The following LSM14A variants were observed in gnomAD, a reference collection of about 807,000 sequenced individuals.
LSM14A encodes the protein LSM14A mRNA processing body assembly factor, also known as protein LSM14 homolog A.
Under a neutral mutation model 52.4 loss-of-function variants are expected in LSM14A, and 14 were observed. The observed-to-expected ratio is 0.27, with a 90% CI of 0.18 to 0.42. LSM14A has a LOEUF of 0.42. Ranked by LOEUF, LSM14A falls within the 10% of genes least tolerant of loss-of-function variation. The pLI, the probability that LSM14A is intolerant of heterozygous loss-of-function variation, is 1.00. For missense variants in LSM14A, 417 were observed against 581.8 expected (o/e 0.72, Z 2.91); for synonymous variants, 185 against 200.3 (o/e 0.92, Z 0.64).
At chr19:34,193,251 C>G (rs1009420055) in intron 1 of LSM14A, among the ~76,000 whole-genome samples, 3 of 152,228 alleles carry the variant, frequency 2.0e-5, no homozygotes, top group African/African-American at 7.2e-5. Flanking sequence ...CTCCCAGGCT[C>G]AAGCGATCCT....
intron 3 of LSM14A, among the ~76,000 whole-genome samples, chr19:34,205,769 A>G (rs2071652146): frequency 1.3e-5 from 2 of 152,128 alleles, no homozygotes; most frequent in African/African-American, 4.8e-5. Context: ...GGAAGAAAAT[A>G]AAAAGATAAG....
rs547198806 is a variant in LSM14A at position 34,219,488 on chromosome 19, G to A, written c.879G>A (p.Glu293=). 7.9e-5 allele frequency: 128 copies of A among 1,614,030 alleles called. 1 individual carries two copies. The South Asian group carries it at 1.4e-3, about 17-fold the overall frequency. The change falls in exon 7 of 10, where the codon GAG becomes GAA. Residue 293 remains glutamate (E), a synonymous_variant. Transcript: ENST00000544216. ...GIRRDGPMKF[E]KDFDFESANA... Reference sequence around the variant, plus strand: ...GGCGAGATGGGCCAATGAAATTTGAGAAAGACTTTGACTTTGAAAGTGCAA... The same window carrying A: ...GGCGAGATGGGCCAATGAAATTTGAAAAAGACTTTGACTTTGAAAGTGCAA...
intron 1 of LSM14A, among the ~76,000 whole-genome samples, chr19:34,175,899 A>C (rs904845690): frequency 2.0e-5 from 3 of 152,036 alleles, no homozygotes; most frequent in Non-Finnish European, 4.4e-5. Flanking sequence ...GCTCTTGCCC[A>C]GGCTGGAGTG....
intron 1 of LSM14A, among the ~76,000 whole-genome samples, chr19:34,192,319 GTT>G (rs71165632): frequency 3.7e-5 from 2 of 53,410 alleles, no homozygotes; most frequent in Admixed American, 2.9e-4. Context: ...TCTTTTTGTT[GTT>G]TTTTTTTTTT....
At chr19:34,193,266 C>T (rs933507743) in intron 1 of LSM14A, among the ~76,000 whole-genome samples, 1 of 152,236 alleles carries the variant, frequency 6.6e-6, no homozygotes, top group Non-Finnish European at 1.5e-5. Flanking sequence ...GATCCTCATA[C>T]CTCAGCCTCC....
chr19:34,224,451 C>T (rs1218628661), intron 9 of LSM14A, among the ~76,000 whole-genome samples: 1 of 152,198 alleles, frequency 6.6e-6, no homozygotes, highest in African/African-American at 2.4e-5. Context: ...TTGTAAAACT[C>T]GTATCACATA....
intron 1 of LSM14A, among the ~76,000 whole-genome samples, chr19:34,177,658 C>T (rs1239806059): frequency 1.3e-5 from 2 of 152,130 alleles, no homozygotes; most frequent in Admixed American, 1.3e-4. Flanking sequence ...AAGGTCAAGG[C>T]CGGGGTATTG....
intron 1 of LSM14A, among the ~76,000 whole-genome samples, chr19:34,177,111 G>A (rs1482203635): frequency 1.3e-5 from 2 of 152,008 alleles, no homozygotes; most frequent in Non-Finnish European, 2.9e-5. Flanking sequence ...ATCGAAACAC[G>A]TCTTTTTCTA....
chr19:34,181,643 C>T (rs1401841930), intron 1 of LSM14A, among the ~76,000 whole-genome samples: 4 of 152,160 alleles, frequency 2.6e-5, no homozygotes, highest in Admixed American at 2.0e-4. Flanking sequence ...CTGATTGAAC[C>T]TGTAAGCCGC....
chr19:34,200,083 C>T (rs2071184008), intron 3 of LSM14A, among the ~76,000 whole-genome samples: 2 of 152,208 alleles, frequency 1.3e-5, no homozygotes, highest in Admixed American at 6.6e-5. Context: ...AACATAATAT[C>T]ACCTTTGTGG....
chr19:34,202,616 A>G (rs1400906859), intron 3 of LSM14A, among the ~76,000 whole-genome samples: 1 of 152,164 alleles, frequency 6.6e-6, no homozygotes, highest in Non-Finnish European at 1.5e-5. Flanking sequence ...TACTCTTGGC[A>G]AGTATGTGAA....
In LSM14A at chr19:34,219,758, C is replaced by T. The variant is rs1432320227; in HGVS notation, c.1017C>T (p.Asp339=). Reference sequence around the variant, plus strand: ...CTGTAAATGGTGAAGATAAAGGAGACTCAGGAGTTGATACCCAAAACAGTG... The same window carrying T: ...CTGTAAATGGTGAAGATAAAGGAGATTCAGGAGTTGATACCCAAAACAGTG... ...EKPVNGEDKG[D]SGVDTQNSEG... Residue 339 remains aspartate, a synonymous_variant, in exon 8 of 10, where the codon GAC becomes GAT. Transcript: ENST00000544216. 3.1e-6 allele frequency: 5 copies of T among 1,613,722 alleles called. No individual in the cohort carries two copies. Among genetic ancestry groups the T allele is most frequent in the African/African-American group, 1.3e-5 (1 of 74,894 alleles).
intron 1 of LSM14A, among the ~76,000 whole-genome samples, chr19:34,180,299 G>T (rs921753981): frequency 1.3e-5 from 2 of 152,086 alleles, no homozygotes; most frequent in African/African-American, 2.4e-5. Context: ...TAGTTTTGTA[G>T]GGTTTTTTGT....
At chr19:34,184,344 C>T (rs926601114) in intron 1 of LSM14A, among the ~76,000 whole-genome samples, 9 of 152,282 alleles carry the variant, frequency 5.9e-5, no homozygotes, top group Middle Eastern at 3.4e-3. Context: ...TGAGCCACTG[C>T]GCCCAGCCTT....
rs750230059 is a variant in LSM14A at position 34,186,586 on chromosome 19, A to G, written c.122-7892A>G. Among the ~76,000 whole-genome samples, 10 of 152,154 alleles carry G rather than the reference A, an allele frequency of 6.6e-5. No homozygotes were observed. In the East Asian group the frequency reaches 1.2e-3, roughly 18 times the overall value. ...CACATCTGATTTATTCTGTTTCTCT[A>G]TAAAACCTGACCGATACCTGGAATC... is the stretch of plus-strand genomic sequence containing the variant. On this transcript the variant is annotated intron_variant, in intron 1 of 9. Coordinates refer to ENST00000544216, the MANE Select transcript of LSM14A (RefSeq NM_015578.4).
At chr19:34,182,787 T>G (rs1179954368) in intron 1 of LSM14A, among the ~76,000 whole-genome samples, 1 of 146,176 alleles carries the variant, frequency 6.8e-6, no homozygotes, top group Non-Finnish European at 1.5e-5. Context: ...GAGCTTGCAG[T>G]GAGCCAAGAT....
intron 9 of LSM14A, 85 bp downstream of exon 9, chr19:34,221,823 G>C: frequency 6.7e-7 from 1 of 1,495,398 alleles, no homozygotes; most frequent in Non-Finnish European, 9.0e-7. Context: ...TGTTTTGGGT[G>C]AATTGTTTTG....
At chr19:34,201,271 T>C (rs961928353) in intron 3 of LSM14A, among the ~76,000 whole-genome samples, 1 of 152,186 alleles carries the variant, frequency 6.6e-6, no homozygotes, top group Non-Finnish European at 1.5e-5. Context: ...TGTTAGAAGT[T>C]ACCAAATGAG....
chr19:34,209,159 A>G (rs750777112), intron 4 of LSM14A, 108 bp downstream of exon 4: 25 of 954,604 alleles, frequency 2.6e-5, no homozygotes, highest in Non-Finnish European at 3.3e-5. Context: ...TATAATTTCT[A>G]TTTGGCTCTT....
Sources: allele counts gnomAD v4.1 joint callset (sites outside exome capture counted in the v4.1 genomes callset), GRCh38; gene constraint gnomAD v4.1.1; transcripts MANE v1.5; gene names NCBI Gene and HGNC (gene_info 2026-07-23, HGNC 2026-07-21).